Variants in CHCHD3 observed in about 807,000 individuals in gnomAD.
The protein encoded by CHCHD3 is MICOS complex subunit MIC19.
CHCHD3 carries 20 observed loss-of-function variants against 38.2 expected under a neutral mutation model. The ratio of observed to expected loss-of-function variants is 0.52; its 90% CI spans 0.37 to 0.76. The LOEUF (loss-of-function observed/expected upper bound fraction) is 0.76. CHCHD3 is among the 30% of genes least tolerant of loss of function. CHCHD3 has a pLI of 0.00. For synonymous variants in CHCHD3, 82 were observed against 100.0 expected (o/e 0.82, Z 1.07); for missense variants, 245 against 279.2 (o/e 0.88, Z 0.87).
chr7:132,836,563 C>G (rs1425134320), intron 6 of CHCHD3, among the ~76,000 whole-genome samples: 1 of 152,066 alleles, frequency 6.6e-6, no homozygotes, highest in Non-Finnish European at 1.5e-5. Flanking sequence ...CACTGCAGTC[C>G]TGGGTTCAAG....
intron 4 of CHCHD3, among the ~76,000 whole-genome samples, chr7:132,925,821 T>C (rs1810364234): frequency 6.6e-6 from 1 of 152,228 alleles, no homozygotes; most frequent in Non-Finnish European, 1.5e-5. Flanking sequence ...CGAAAACGTT[T>C]CCAAAAGATG....
At chr7:132,999,497 T>C (rs756269363) in intron 3 of CHCHD3, among the ~76,000 whole-genome samples, 5 of 152,220 alleles carry the variant, frequency 3.3e-5, no homozygotes, top group Non-Finnish European at 7.3e-5. Context: ...ATGGTTATTA[T>C]AATAAAAGGA....
intron 3 of CHCHD3, among the ~76,000 whole-genome samples, chr7:132,980,564 T>C (rs1318615215): frequency 1.3e-5 from 2 of 152,320 alleles, no homozygotes; most frequent in African/African-American, 2.4e-5. Context: ...CATTAAGTAA[T>C]TGGATAGCTT....
At chr7:132,851,871 T>C (rs919856211) in intron 5 of CHCHD3, among the ~76,000 whole-genome samples, 9 of 152,176 alleles carry the variant, frequency 5.9e-5, no homozygotes, top group African/African-American at 2.2e-4. Context: ...CCAACACATC[T>C]CAGGCTTGCA....
intron 3 of CHCHD3, among the ~76,000 whole-genome samples, chr7:132,990,943 GACACACATAC>G (rs1432951109): frequency 6.3e-5 from 5 of 79,488 alleles, no homozygotes; most frequent in African/African-American, 2.5e-4. Context: ...CCCCTACACA[GACACACATAC>G]ACACACACAC....
At chr7:132,952,912 C>T (rs1009816774) in intron 4 of CHCHD3, among the ~76,000 whole-genome samples, 4 of 152,324 alleles carry the variant, frequency 2.6e-5, no homozygotes, top group African/African-American at 9.6e-5. Context: ...AGGTCTCTCA[C>T]AGCCATCTAT....
intron 6 of CHCHD3, among the ~76,000 whole-genome samples, chr7:132,822,677 T>C (rs1807411013): frequency 6.6e-6 from 1 of 152,166 alleles, no homozygotes; most frequent in South Asian, 2.1e-4. Flanking sequence ...AGTAGCTTAA[T>C]GCTACACAGT....
At chr7:133,053,095 T>C (rs1420974385) in intron 2 of CHCHD3, among the ~76,000 whole-genome samples, 1 of 152,250 alleles carries the variant, frequency 6.6e-6, no homozygotes, top group Non-Finnish European at 1.5e-5. Context: ...ATTTTCTCTA[T>C]ATTTTTCTCT....
intron 5 of CHCHD3, among the ~76,000 whole-genome samples, chr7:132,874,045 C>T (rs915529691): frequency 6.6e-6 from 1 of 152,144 alleles, no homozygotes; most frequent in African/African-American, 2.4e-5. Flanking sequence ...CTCTAGGCTA[C>T]GTGGACATTT....
intron 3 of CHCHD3, among the ~76,000 whole-genome samples, chr7:132,986,508 G>A (rs531201441): frequency 2.6e-5 from 4 of 151,862 alleles, no homozygotes; most frequent in Admixed American, 6.6e-5. Context: ...ACTCTAATGC[G>A]ATTTGAGGAA....
At position 132,975,187 on chromosome 7, in the gene CHCHD3, G is replaced by A. The variant is rs142189469; in HGVS notation, c.351C>T (p.Arg117=). ...LRERICSEEE[R]AKAKHLARQL... Reference sequence around the variant, plus strand: ...TACTCACCAGGTGCTTTGCCTTAGCGCGTTCCTCCTCGCTACATATCCTCT... The same window carrying A: ...TACTCACCAGGTGCTTTGCCTTAGCACGTTCCTCCTCGCTACATATCCTCT... The change falls in exon 4 of 8, where the codon CGC becomes CGT. Residue 117 remains arginine (R), a synonymous_variant. Coordinates refer to ENST00000262570, the MANE Select transcript of CHCHD3 (RefSeq NM_017812.4). 6.4e-5 allele frequency: 103 copies of A among 1,611,884 alleles called. No individual in the cohort carries two copies. The highest frequency in any genetic ancestry group is 4.4e-4 in the Middle Eastern group (2 of 4,524).
intron 4 of CHCHD3, among the ~76,000 whole-genome samples, chr7:132,901,725 A>G (rs913549816): frequency 2.6e-5 from 4 of 152,146 alleles, no homozygotes. Context: ...GCCCTTTGTC[A>G]GATAAGTAGA....
intron 3 of CHCHD3, among the ~76,000 whole-genome samples, chr7:133,012,842 G>C (rs1212192231): frequency 1.6e-5 from 2 of 121,316 alleles, no homozygotes; most frequent in East Asian, 5.8e-4. Context: ...GAGGAGAAGA[G>C]AGGGGAGGGG....
intron 4 of CHCHD3, among the ~76,000 whole-genome samples, chr7:132,898,585 C>T (rs955816933): frequency 5.9e-5 from 9 of 152,256 alleles, no homozygotes; most frequent in African/African-American, 1.7e-4. Context: ...AGTTGCCTGC[C>T]AGTCCCGCGC....
chr7:132,882,349 G>A (rs1040144727), intron 5 of CHCHD3, among the ~76,000 whole-genome samples: 2 of 151,986 alleles, frequency 1.3e-5, no homozygotes, highest in Admixed American at 1.3e-4. Flanking sequence ...AGTAACAGCA[G>A]TGTATATATT....
At chr7:132,787,403 A>G (rs1806346017) in intron 7 of CHCHD3, among the ~76,000 whole-genome samples, 1 of 152,148 alleles carries the variant, frequency 6.6e-6, no homozygotes. Flanking sequence ...AACTAGAGCT[A>G]CATGGGAAGA....
rs189406529 is a variant in CHCHD3, at chr7:132,842,831, T to C, written c.454-4362A>G. On this transcript the variant is annotated intron_variant, in intron 5 of 7. Transcript: ENST00000262570. The stretch of plus-strand genomic sequence containing the variant: ...TTTATTGAGGTTGACCTTGATTACC[T>C]GATTAAAGTGGTGTCTGCGGGGATT... Among the ~76,000 whole-genome samples, 7 of 152,306 alleles carry C rather than the reference T, an allele frequency of 4.6e-5. No individual in the cohort carries two copies. In the East Asian group the frequency reaches 1.4e-3, roughly 29 times the overall value.
At chr7:132,902,665 T>A (rs1809699865) in intron 4 of CHCHD3, among the ~76,000 whole-genome samples, 2 of 151,888 alleles carry the variant, frequency 1.3e-5, no homozygotes. Context: ...CCCGGGCCTG[T>A]TGTGAGGTAG....
chr7:132,932,672 T>C (rs1048885987), intron 4 of CHCHD3, among the ~76,000 whole-genome samples: 1 of 152,224 alleles, frequency 6.6e-6, no homozygotes, highest in African/African-American at 2.4e-5. Context: ...GGAAGGCCAA[T>C]ATTTCAAATC....
Sources: gnomAD v4.1 joint callset for allele counts (sites outside exome capture counted in the v4.1 genomes callset) on GRCh38, gnomAD v4.1.1 for gene constraint, MANE v1.5 for transcripts, NCBI Gene and HGNC (gene_info 2026-07-23, HGNC 2026-07-21) for gene names.